AGAP3: variants seen among roughly 807,000 people sequenced by gnomAD.
AGAP3 encodes arf-GAP with GTPase, ANK repeat and PH domain-containing protein 3.
AGAP3 carries 24 observed loss-of-function variants against 96.9 expected under a neutral mutation model. The observed-to-expected ratio is 0.25, with a 90% CI of 0.18 to 0.35. The LOEUF is 0.35. Ranked by LOEUF, AGAP3 falls within the 10% of genes least tolerant of loss-of-function variation. The probability of loss-of-function intolerance (pLI) is 1.00; values close to 1 mark genes in which losing one functional copy is unlikely to be tolerated. For synonymous variants in AGAP3, 563 were observed against 536.1 expected (o/e 1.05, Z -0.69); for missense variants, 876 against 1,254.2 (o/e 0.70, Z 4.55).
intron 9 of AGAP3, among the ~76,000 whole-genome samples, chr7:151,125,732 T>C (rs1314146363): frequency 1.3e-5 from 2 of 152,260 alleles, no homozygotes; most frequent in Non-Finnish European, 2.9e-5. Flanking sequence ...CTCCCGGTTC[T>C]ATTCCTTCCC....
At chr7:151,087,290 CTG>C in intron 1 of AGAP3, 2 of 591,248 alleles carry the variant, frequency 3.4e-6, no homozygotes, top group Non-Finnish European at 6.0e-6. Flanking sequence ...TTTCTGCTGA[CTG>C]TGTTCCAGGG....
At chr7:151,130,666 C>T (rs1437578157) in intron 10 of AGAP3, among the ~76,000 whole-genome samples, 1 of 152,152 alleles carries the variant, frequency 6.6e-6, no homozygotes, top group African/African-American at 2.4e-5. Flanking sequence ...CCTGGAAGTC[C>T]TGGCATCCAG....
chr7:151,111,563 C>T (rs1409740359), intron 1 of AGAP3, among the ~76,000 whole-genome samples: 1 of 152,072 alleles, frequency 6.6e-6, no homozygotes, highest in Non-Finnish European at 1.5e-5. Context: ...TCTCTCTCCC[C>T]GTCATGACCC....
intron 12 of AGAP3, 141 bp downstream of exon 12, chr7:151,138,454 G>A: frequency 4.0e-6 from 4 of 1,000,536 alleles, no homozygotes; most frequent in Non-Finnish European, 5.7e-6. Flanking sequence ...GGGCCCTCCT[G>A]GGCTTGTCAG....
chr7:151,114,660 C>T lies in AGAP3; in HGVS notation c.332-2133C>T. 1 of 961,714 alleles carries T rather than the reference C, an allele frequency of 1.0e-6. No homozygotes were observed. Among genetic ancestry groups the T allele is most frequent in the Non-Finnish European group, 1.2e-6 (1 of 806,922 alleles). 59.6% of individuals were successfully genotyped at this position (961,714 alleles called of 1,614,324 possible). ...GAGGAGTTGAGGGACTCGGTCGGCC[C>T]ACACCAGGTGCCCAGAGGCCGGAGG... On this transcript the variant is annotated intron_variant, in intron 1 of 17. Coordinates refer to ENST00000397238, the MANE Select transcript of AGAP3 (RefSeq NM_031946.7). The surrounding 1 kb of genome is among the most constrained non-coding windows in gnomAD (Gnocchi z 4.4).
intron 8 of AGAP3, chr7:151,123,104 C>A: frequency 8.7e-7 from 1 of 1,144,662 alleles, no homozygotes; most frequent in Non-Finnish European, 1.1e-6. Flanking sequence ...GCCCGCCCGG[C>A]CCGGCTGCTC....
chr7:151,114,681 G>A lies in AGAP3; in HGVS notation c.332-2112G>A, dbSNP rs559864876. On this transcript the variant is annotated intron_variant, in intron 1 of 17. Transcript: ENST00000397238. The surrounding 1 kb of genome is among the most constrained non-coding windows in gnomAD (Gnocchi z 4.4). ...GGCCCACACCAGGTGCCCAGAGGCC[G>A]GAGGTCCGTGCGCCCCGGCCGCGGC... is the stretch of plus-strand genomic sequence containing the variant. 8 of 989,548 alleles carry A rather than the reference G, an allele frequency of 8.1e-6. No homozygotes were observed. Among genetic ancestry groups the A allele is most frequent in the East Asian group, 2.2e-4 (2 of 9,114 alleles). 61.3% of individuals were successfully genotyped at this position (989,548 alleles called of 1,614,324 possible).
intron 1 of AGAP3, among the ~76,000 whole-genome samples, chr7:151,090,831 C>T (rs2150403792): frequency 6.6e-6 from 1 of 152,284 alleles, no homozygotes; most frequent in East Asian, 1.9e-4. Context: ...GTAGTCCCAG[C>T]TACTCGGGAG....
At chr7:151,092,077 G>C (rs539701556) in intron 1 of AGAP3, among the ~76,000 whole-genome samples, 2 of 152,296 alleles carry the variant, frequency 1.3e-5, no homozygotes, top group South Asian at 4.1e-4. Flanking sequence ...TTTCCACCCT[G>C]CCGTGTTCCT....
At chr7:151,093,586 G>A (rs948924010) in intron 1 of AGAP3, among the ~76,000 whole-genome samples, 4 of 152,202 alleles carry the variant, frequency 2.6e-5, no homozygotes, top group Non-Finnish European at 4.4e-5. Flanking sequence ...GTGAGCAGTC[G>A]GATGTGCATC....
intron 1 of AGAP3, among the ~76,000 whole-genome samples, chr7:151,097,813 A>G (rs1236922153): frequency 6.6e-6 from 1 of 152,224 alleles, no homozygotes; most frequent in Non-Finnish European, 1.5e-5. Context: ...TCACATTTCA[A>G]CATGAGATTT....
At chr7:151,122,930 C>T (rs1189925620) in intron 8 of AGAP3, 2 of 1,455,958 alleles carry the variant, frequency 1.4e-6, no homozygotes, top group Non-Finnish European at 1.8e-6. Flanking sequence ...TTGTAACTAA[C>T]CCCACCCCCA....
At chr7:151,130,404 A>G (rs1417827636) in intron 10 of AGAP3, among the ~76,000 whole-genome samples, 1 of 152,118 alleles carries the variant, frequency 6.6e-6, no homozygotes, top group African/African-American at 2.4e-5. Context: ...CTGGTGGCTG[A>G]GCTAAGACTT....
Position 151,118,385 on chromosome 7 carries a change from C to T in AGAP3, c.841+41C>T. ...GGTGGGAGTCACTGGCAGCCGCGGC[C>T]CCAGTGCTGGCGATAGGAAGGCTCC... is the stretch of plus-strand genomic sequence containing the variant. On this transcript the variant is annotated intron_variant, in intron 6 of 17. Transcript: ENST00000397238. The surrounding 1 kb of genome is among the most constrained non-coding windows in gnomAD (Gnocchi z 6.1). The T allele has an allele frequency of 6.3e-7, 1 of 1,597,262 alleles. No homozygotes were observed. Among genetic ancestry groups the T allele is most frequent in the Non-Finnish European group, 8.6e-7 (1 of 1,167,352 alleles).
In AGAP3 at chr7:151,139,687, C is replaced by CT. The variant is rs1395186703; in HGVS notation, c.1667-291dup. 1 of 277,448 alleles carries CT rather than the reference C, an allele frequency of 3.6e-6. No homozygotes were observed. The highest frequency in any genetic ancestry group is 6.3e-5 in the East Asian group (1 of 15,944). The allele number at this position is 277,448 out of a possible 1,614,324, so 17.2% of individuals were successfully genotyped here. ...GGGGCTTCAGCTCCCCGTGAGTTCCCTGGGCTGCCTTCCACCCCTCCAGGC... is the reference window on the plus strand; with the variant it reads ...GGGGCTTCAGCTCCCCGTGAGTTCCCTTGGGCTGCCTTCCACCCCTCCAGGC... On this transcript the variant is annotated intron_variant, in intron 12 of 17. Transcript: ENST00000397238. This position sits in a 1 kb window ranked among gnomAD's most constrained non-coding sequence, Gnocchi z 4.9.
intron 8 of AGAP3, 26 bp downstream of exon 8, chr7:151,120,171 C>T: frequency 6.4e-7 from 1 of 1,569,780 alleles, no homozygotes; most frequent in Non-Finnish European, 8.7e-7. Flanking sequence ...CCTCCCCCGC[C>T]CAGCTGCCTT....
intron 1 of AGAP3, among the ~76,000 whole-genome samples, chr7:151,102,708 C>T (rs963254975): frequency 6.6e-6 from 1 of 152,052 alleles, no homozygotes; most frequent in African/African-American, 2.4e-5. Flanking sequence ...CTCTGCATCC[C>T]AGGCTCAGGT....
chr7:151,134,580 G>A lies in AGAP3; in HGVS notation c.1495+12G>A. 1 of 1,594,332 alleles carries A rather than the reference G, an allele frequency of 6.3e-7. No individual in the cohort carries two copies. The highest frequency in any genetic ancestry group is 2.3e-5 in the East Asian group (1 of 44,154). ...GGGTGGGGGCACAGGTGAGGCGGCT[G>A]CTGAGGTGGGGGCCTGGGGGGTGGC... On this transcript the variant is annotated intron_variant, in intron 11 of 17. Coordinates refer to ENST00000397238, the MANE Select transcript of AGAP3 (RefSeq NM_031946.7).
At chr7:151,126,495 G>A (rs751439567) in intron 9 of AGAP3, among the ~76,000 whole-genome samples, 151 of 149,182 alleles carry the variant, frequency 1.0e-3, no homozygotes, top group Non-Finnish European at 1.7e-3. Flanking sequence ...GAGGGGAGTC[G>A]GGACGGGGGC....
Sources: gnomAD v4.1 joint callset for allele counts (sites outside exome capture counted in the v4.1 genomes callset) on GRCh38, gnomAD v4.1.1 for gene constraint, Gnocchi (gnomAD v3.1) non-coding constraint, MANE v1.5 for transcripts, NCBI Gene and HGNC (gene_info 2026-07-23, HGNC 2026-07-21) for gene names.